Variants in PUS7 observed in about 807,000 individuals in gnomAD.
The protein encoded by PUS7 is pseudouridylate synthase 7 homolog.
Under a neutral mutation model 79.8 loss-of-function variants are expected in PUS7, and 48 were observed. That is an observed-to-expected ratio of 0.60 (90% CI 0.48 to 0.76). The LOEUF is 0.76. PUS7 is among the 30% of genes least tolerant of loss of function. The probability of loss-of-function intolerance (pLI) is 0.00; values close to 1 mark genes in which losing one functional copy is unlikely to be tolerated. For synonymous variants in PUS7, 286 were observed against 272.2 expected (o/e 1.05, Z -0.50); for missense variants, 729 against 797.6 (o/e 0.91, Z 1.04).
At position 105,470,854 on chromosome 7, in the gene PUS7, G is replaced by C; in HGVS notation, c.1238-6C>G. The C allele has an allele frequency of 6.4e-7, 1 of 1,569,796 alleles. No individual in the cohort carries two copies. Among genetic ancestry groups the C allele is most frequent in the Admixed American group, 1.8e-5 (1 of 54,968 alleles). ...AACCAAGTAGCCCTTTTCAGCTGCG[G>C]GGGGAAAAAGCTAGGGTTAAATGAC... On this transcript the variant is annotated splice_polypyrimidine_tract_variant and splice_region_variant and intron_variant, in intron 10 of 15. Transcript: ENST00000469408.
chr7:105,457,914 C>T lies in PUS7; in HGVS notation c.1862G>A (p.Arg621Lys). ...TAGAGAAAAATCCATTTTCAGAGCC[C>T]TGTATTTGCCTTCTGCAAGGCAAGA... ...PPVFASEGKY[R>K]ALKMDFSLPP... The change falls in exon 16 of 16, where the codon AGG (arginine) becomes AAG (lysine). Residue 621 changes from arginine to lysine, a missense_variant. Physicochemically the swap from Arg to Lys is conservative, Grantham distance 26. Transcript: ENST00000469408. 2.5e-6 allele frequency: 4 copies of T among 1,613,362 alleles called. No homozygotes were observed. Among genetic ancestry groups the T allele is most frequent in the Non-Finnish European group, 2.5e-6 (3 of 1,179,680 alleles).
At chr7:105,462,871 T>G in intron 13 of PUS7, 121 bp from the exon 14 acceptor site, 1 of 917,118 alleles carries the variant, frequency 1.1e-6, no homozygotes, top group Non-Finnish European at 1.6e-6. Context: ...ATTAGTCACC[T>G]TAATTTATAA....
At chr7:105,462,986 G>C (rs961175955) in intron 13 of PUS7, among the ~76,000 whole-genome samples, 1 of 152,172 alleles carries the variant, frequency 6.6e-6, no homozygotes, top group African/African-American at 2.4e-5. Context: ...TTTGCAACCA[G>C]TCATAGTACC....
At chr7:105,511,289 T>TC (rs1436358706) in intron 1 of PUS7, among the ~76,000 whole-genome samples, 1 of 151,246 alleles carries the variant, frequency 6.6e-6, no homozygotes, top group Non-Finnish European at 1.5e-5. Flanking sequence ...CGCCTCGGCC[T>TC]CCCAAAGTGC....
intron 12 of PUS7, among the ~76,000 whole-genome samples, chr7:105,467,378 C>T (rs889555927): frequency 1.4e-4 from 21 of 150,658 alleles, no homozygotes; most frequent in African/African-American, 4.9e-4. Flanking sequence ...CAAGCTCCGC[C>T]TCCCGGGTTC....
chr7:105,465,173 G>C (rs1011511871), intron 13 of PUS7, 140 bp downstream of exon 13: 2 of 546,394 alleles, frequency 3.7e-6, no homozygotes, highest in Non-Finnish European at 3.2e-6. Flanking sequence ...CAGAGGTAGA[G>C]TTTCTTAATT....
At chr7:105,496,216 T>TAGAGAGAGAGAGAGAG (rs1335946389) in intron 5 of PUS7, among the ~76,000 whole-genome samples, 1 of 76,720 alleles carries the variant, frequency 1.3e-5, no homozygotes, top group Admixed American at 1.7e-4. Context: ...TATATATATA[T>TAGAGAGAGAGAGAGAG]ATATATATAT....
At chr7:105,475,425 T>A (rs1373145127) in intron 9 of PUS7, among the ~76,000 whole-genome samples, 1 of 152,052 alleles carries the variant, frequency 6.6e-6, no homozygotes, top group Non-Finnish European at 1.5e-5. Context: ...GACCTTGTGA[T>A]CTGCCCCCCT....
chr7:105,472,029 G>A, intron 10 of PUS7, 103 bp downstream of exon 10: 2 of 686,002 alleles, frequency 2.9e-6, no homozygotes, highest in Middle Eastern at 2.6e-4. Context: ...ATAAAATACT[G>A]AAACAACAAC....
At chr7:105,509,336 T>C (rs1029728413) in intron 1 of PUS7, among the ~76,000 whole-genome samples, 1 of 152,028 alleles carries the variant, frequency 6.6e-6, no homozygotes, top group African/African-American at 2.4e-5. Context: ...AAAACCGGCA[T>C]AATACTTCCG....
In PUS7 at chr7:105,457,840, C is replaced by A. The variant is rs1475970444; in HGVS notation, c.1936G>T (p.Asp646Tyr). Residue 646 changes from aspartate to tyrosine, a missense_variant, in exon 16 of 16, where the codon GAT becomes TAT. Physicochemically the swap from Asp to Tyr is radical, Grantham distance 160 (BLOSUM62 -3). Coordinates refer to ENST00000469408, the MANE Select transcript of PUS7 (RefSeq NM_019042.5). ...TMAIREVLKM[D>Y]TSIKNQTQLN... ...TGCGTCTGGTTCTTGATACTGGTATCCATTTTTAGCACTTCTCGAATGGCC... is the reference window on the plus strand; with the variant it reads ...TGCGTCTGGTTCTTGATACTGGTATACATTTTTAGCACTTCTCGAATGGCC... 6.8e-6 allele frequency: 11 copies of A among 1,614,018 alleles called. No individual in the cohort carries two copies. The highest frequency in any genetic ancestry group is 6.8e-6 in the Non-Finnish European group (8 of 1,180,008).
chr7:105,510,277 G>A (rs1189323221), intron 1 of PUS7, among the ~76,000 whole-genome samples: 1 of 151,614 alleles, frequency 6.6e-6, no homozygotes, highest in Non-Finnish European at 1.5e-5. Flanking sequence ...TCCAGCCTGG[G>A]CAACAAGAGC....
intron 1 of PUS7, among the ~76,000 whole-genome samples, chr7:105,514,342 T>C (rs711436): frequency 0.33 from 50,044 of 150,242 alleles, 9,340 homozygotes; most frequent in African/African-American, 0.51. Context: ...CAGTGGCTCA[T>C]GCCTGTAATC....
chr7:105,484,258 T>C (rs2133142873), intron 7 of PUS7, among the ~76,000 whole-genome samples: 1 of 152,284 alleles, frequency 6.6e-6, no homozygotes, highest in East Asian at 1.9e-4. Flanking sequence ...GTTGGCTGAA[T>C]TGATTATTAC....
At chr7:105,513,200 C>T (rs1241387100) in intron 1 of PUS7, among the ~76,000 whole-genome samples, 1 of 152,246 alleles carries the variant, frequency 6.6e-6, no homozygotes, top group East Asian at 1.9e-4. Context: ...AGCTTCCCAG[C>T]TGGCATCACA....
At chr7:105,469,614 C>A (rs1029820486) in intron 11 of PUS7, among the ~76,000 whole-genome samples, 1 of 152,200 alleles carries the variant, frequency 6.6e-6, no homozygotes, top group Non-Finnish European at 1.5e-5. Context: ...CGTCTGCCAC[C>A]ACGCCTGGCT....
At chr7:105,464,795 A>G (rs1377672825) in intron 13 of PUS7, among the ~76,000 whole-genome samples, 1 of 147,312 alleles carries the variant, frequency 6.8e-6, no homozygotes, top group South Asian at 2.1e-4. Flanking sequence ...CAATTTCCCT[A>G]ACAAATCCCC....
chr7:105,468,521 AC>A, intron 11 of PUS7, 58 bp from the exon 12 acceptor site: 3 of 1,427,914 alleles, frequency 2.1e-6, no homozygotes, highest in Middle Eastern at 2.1e-4. Context: ...AAAGTGCTGT[AC>A]TTTTTTTTTT....
In PUS7 at chr7:105,506,368, CA is replaced by C. The variant is rs1416564067; in HGVS notation, c.399-96del. On this transcript the variant is annotated intron_variant, in intron 2 of 15. Transcript: ENST00000469408. ...ATCAACAGCAAGCCTTACTATTATG[CA>C]AAACAAGGAATTTTAAAAAATCTTC... 1.1e-5 allele frequency: 9 copies of C among 826,354 alleles called. No homozygotes were observed. In the Admixed American group the frequency reaches 2.7e-4, roughly 25 times the overall value. The allele number at this position is 826,354 out of a possible 1,614,324, so 51.2% of individuals were successfully genotyped here. A position where few individuals can be genotyped will look rare whatever the true frequency, so the allele number is the denominator to read the frequency against.
Sources: gnomAD v4.1 joint callset for allele counts (sites outside exome capture counted in the v4.1 genomes callset) on GRCh38, gnomAD v4.1.1 for gene constraint, MANE v1.5 for transcripts, NCBI Gene and HGNC (gene_info 2026-07-23, HGNC 2026-07-21) for gene names.